ARHGEF28: variants seen among roughly 807,000 people sequenced by gnomAD.
ARHGEF28 encodes the protein Rho guanine nucleotide exchange factor 28.
A neutral mutation model predicts 206.6 loss-of-function variants in ARHGEF28; 152 were observed. The ratio of observed to expected loss-of-function variants is 0.74; its 90% CI spans 0.64 to 0.84. ARHGEF28 has a LOEUF of 0.84. ARHGEF28 is among the 40% of genes least tolerant of loss of function. The pLI is 0.00. For synonymous variants in ARHGEF28, 763 were observed against 776.4 expected (o/e 0.98, Z 0.29); for missense variants, 2,028 against 2,073.2 (o/e 0.98, Z 0.42).
Position 73,840,507 on chromosome 5 carries a change from A to G in ARHGEF28, c.1174A>G (p.Asn392Asp), listed in dbSNP as rs751743777. The G allele has an allele frequency of 1.2e-6, 2 of 1,613,846 alleles. No individual in the cohort carries two copies. The highest frequency in any genetic ancestry group is 3.3e-5 in the Admixed American group (2 of 60,006). The part of the protein sequence containing the change: ...QVGDLDISYI[N>D]IEGITATTSP... ...TGGTGATTTGGATATCAGCTATATTAATATAGAGGGAATCACTGCCACTAC... is the reference window on the plus strand; with the variant it reads ...TGGTGATTTGGATATCAGCTATATTGATATAGAGGGAATCACTGCCACTAC... Residue 392 changes from asparagine to aspartate, a missense_variant, in exon 11 of 36, where the codon AAT (asparagine) becomes GAT (aspartate). Physicochemically the swap from Asn to Asp is conservative, Grantham distance 23 (BLOSUM62 1). Transcript: ENST00000513042.
At chr5:73,853,666 G>T (rs1057211872) in intron 14 of ARHGEF28, among the ~76,000 whole-genome samples, 10 of 152,156 alleles carry the variant, frequency 6.6e-5, no homozygotes, top group Admixed American at 5.2e-4. Context: ...TGAGGATGAT[G>T]ATAGCAAAAG....
At chr5:73,700,716 A>G (rs937503489) in intron 2 of ARHGEF28, among the ~76,000 whole-genome samples, 27 of 152,234 alleles carry the variant, frequency 1.8e-4, no homozygotes, top group Admixed American at 1.3e-4. Flanking sequence ...TACAATATGT[A>G]CATATCAAAA....
At chr5:73,702,526 G>A (rs1022335630) in intron 2 of ARHGEF28, among the ~76,000 whole-genome samples, 3 of 152,102 alleles carry the variant, frequency 2.0e-5, no homozygotes, top group African/African-American at 4.8e-5. Context: ...ATCCGTTTGA[G>A]TCCCTGCTTT....
intron 7 of ARHGEF28, among the ~76,000 whole-genome samples, chr5:73,785,428 A>T (rs191567675): frequency 1.3e-5 from 2 of 152,238 alleles, no homozygotes; most frequent in East Asian, 1.9e-4. Flanking sequence ...CTCCATTTTC[A>T]CTATCACCTG....
At chr5:73,803,564 G>T in intron 9 of ARHGEF28, 1 of 163,954 alleles carries the variant, frequency 6.1e-6, no homozygotes, top group South Asian at 1.8e-4. Flanking sequence ...CTGACCGAAT[G>T]ACAGAGGAGA....
At chr5:73,765,680 C>T (rs559326571) in intron 4 of ARHGEF28, among the ~76,000 whole-genome samples, 1 of 152,346 alleles carries the variant, frequency 6.6e-6, no homozygotes, top group East Asian at 1.9e-4. Context: ...CCACCACACT[C>T]ATCTTTGTAT....
At chr5:73,699,580 G>T (rs1000376620) in intron 2 of ARHGEF28, among the ~76,000 whole-genome samples, 6 of 152,148 alleles carry the variant, frequency 3.9e-5, no homozygotes, top group Non-Finnish European at 7.4e-5. Context: ...ATACGGGAGG[G>T]CTCTCTTTGT....
At chr5:73,727,536 T>G (rs57455693) in intron 2 of ARHGEF28, among the ~76,000 whole-genome samples, 2,997 of 152,268 alleles carry the variant, frequency 0.02, 92 homozygotes, top group African/African-American at 0.069. Flanking sequence ...GAGTCCATAT[T>G]TGGACAGTTC....
chr5:73,861,349 T>G (rs1394875580), intron 16 of ARHGEF28, among the ~76,000 whole-genome samples: 1 of 152,224 alleles, frequency 6.6e-6, no homozygotes, highest in Non-Finnish European at 1.5e-5. Flanking sequence ...AGGAATAGTA[T>G]TTATAGAAGT....
chr5:73,893,693 C>G (rs1014962846), intron 28 of ARHGEF28, among the ~76,000 whole-genome samples: 5 of 152,288 alleles, frequency 3.3e-5, no homozygotes, highest in South Asian at 2.1e-4. Flanking sequence ...CAGTGATTCT[C>G]TACTCTGGTT....
chr5:73,914,585 C>T (rs774584959), intron 35 of ARHGEF28, among the ~76,000 whole-genome samples: 3 of 151,708 alleles, frequency 2.0e-5, no homozygotes, highest in Non-Finnish European at 2.9e-5. Flanking sequence ...TCAGTAGAGA[C>T]GGAGTTTCGC....
At chr5:73,696,755 G>A (rs1397640835) in intron 2 of ARHGEF28, among the ~76,000 whole-genome samples, 1 of 152,186 alleles carries the variant, frequency 6.6e-6, no homozygotes, top group Admixed American at 6.5e-5. Context: ...TGCTTGGCAT[G>A]TATTACATAA....
At chr5:73,938,111 G>A (rs982964380) in intron 35 of ARHGEF28, among the ~76,000 whole-genome samples, 8 of 148,820 alleles carry the variant, frequency 5.4e-5, no homozygotes, top group African/African-American at 1.7e-4. Context: ...TGTTTCTCCT[G>A]TATTTTTATT....
chr5:73,745,975 G>C (rs1285455345), intron 2 of ARHGEF28, among the ~76,000 whole-genome samples: 1 of 152,078 alleles, frequency 6.6e-6, no homozygotes. Context: ...AAATTTCAGT[G>C]GCAATGGAAA....
chr5:73,858,062 C>T (rs372030006), intron 15 of ARHGEF28, 25 bp from the exon 16 acceptor site: 2 of 1,579,260 alleles, frequency 1.3e-6, no homozygotes, highest in Non-Finnish European at 1.7e-6. Flanking sequence ...TCCCCACTTT[C>T]CTACTGCTGC....
intron 1 of ARHGEF28, among the ~76,000 whole-genome samples, chr5:73,666,125 G>A (rs771656420): frequency 6.6e-6 from 1 of 152,120 alleles, no homozygotes; most frequent in Non-Finnish European, 1.5e-5. Context: ...CTTTCCAAGA[G>A]GGAAAAGAAG....
Position 73,870,049 on chromosome 5 carries a change from C to G in ARHGEF28, c.2426-20C>G. ...CTGCATTATTGTACTTCTGGCTTTT[C>G]TTTTCTAAACACACATTAGATGTTG... On this transcript the variant is annotated intron_variant, in intron 20 of 35. Transcript: ENST00000513042. The G allele has an allele frequency of 1.9e-6, 3 of 1,604,090 alleles. No individual in the cohort carries two copies. Among genetic ancestry groups the G allele is most frequent in the Non-Finnish European group, 2.5e-6 (3 of 1,176,976 alleles).
At position 73,941,145 on chromosome 5, in the gene ARHGEF28, A is replaced by G; in HGVS notation, c.*132A>G. On this transcript the variant is annotated 3_prime_UTR_variant, in exon 36 of 36. Transcript: ENST00000513042. ...AGAATAATATTTAATATTTCCTGGA[A>G]GCTCATTTTTTTGGCATGAGTCTAA... 2.1e-6 allele frequency: 2 copies of G among 962,304 alleles called. No homozygotes were observed. The highest frequency in any genetic ancestry group is 2.7e-6 in the Non-Finnish European group (2 of 732,328). 59.6% of individuals were successfully genotyped at this position (962,304 alleles called of 1,614,324 possible).
chr5:73,845,414 T>C (rs1758273278), intron 11 of ARHGEF28, among the ~76,000 whole-genome samples: 1 of 152,102 alleles, frequency 6.6e-6, no homozygotes, highest in African/African-American at 2.4e-5. Flanking sequence ...GACATGGTCC[T>C]GGGGCGGATG....
Sources: allele counts gnomAD v4.1 joint callset (sites outside exome capture counted in the v4.1 genomes callset), GRCh38; gene constraint gnomAD v4.1.1; transcripts MANE v1.5; gene names NCBI Gene and HGNC (gene_info 2026-07-23, HGNC 2026-07-21).